GNG2: variants seen among roughly 807,000 people sequenced by gnomAD.
GNG2 encodes the protein G protein subunit gamma 2.
Under a neutral mutation model 5.5 loss-of-function variants are expected in GNG2, and 5 were observed. The ratio of observed to expected loss-of-function variants is 0.91; its 90% CI spans 0.48 to 1.92. GNG2 has a LOEUF of 1.92. Among genes scored for constraint, GNG2 ranks in the 30% most tolerant of loss-of-function variants. The pLI is 0.01. For synonymous variants in GNG2, 28 were observed against 32.0 expected (o/e 0.88, Z 0.42); for missense variants, 55 against 88.4 (o/e 0.62, Z 1.52).
chr14:51,835,072 C>A (rs1042478680), intron 2 of GNG2, among the ~76,000 whole-genome samples: 1 of 152,172 alleles, frequency 6.6e-6, no homozygotes, highest in East Asian at 1.9e-4. Flanking sequence ...TGGCTCAGCT[C>A]CTTTCATGCC....
intron 2 of GNG2, chr14:51,916,497 C>T (rs561760311): frequency 1.2e-4 from 53 of 430,240 alleles, no homozygotes; most frequent in South Asian, 6.2e-4. Flanking sequence ...AAATTTTCCA[C>T]GAAAATAATC....
intron 2 of GNG2, among the ~76,000 whole-genome samples, chr14:51,909,016 T>A (rs1316355562): frequency 6.6e-6 from 1 of 152,128 alleles, no homozygotes; most frequent in Non-Finnish European, 1.5e-5. Context: ...TATATAACCA[T>A]AGTTATTAAC....
chr14:51,872,355 T>C (rs1883364226), intron 1 of GNG2, among the ~76,000 whole-genome samples: 1 of 151,918 alleles, frequency 6.6e-6, no homozygotes, highest in Non-Finnish European at 1.5e-5. Context: ...TATGTTAGCA[T>C]CGAGGGATTT....
intron 2 of GNG2, among the ~76,000 whole-genome samples, chr14:51,906,607 T>C (rs966890888): frequency 2.2e-4 from 34 of 152,302 alleles, no homozygotes; most frequent in African/African-American, 7.9e-4. Flanking sequence ...GAGATGTACT[T>C]TTAATATCCA....
At position 51,939,548 on chromosome 14, in the gene GNG2, G is replaced by A. The variant is rs10083534; in HGVS notation, c.-29-11102G>A. On this transcript the variant is annotated intron_variant, in intron 2 of 3. Transcript: ENST00000556766. ...TACTCTCCACCCACACAGCATAGAC[G>A]GCTCCCATGCTGATTTGAGGGAAGA... 7.2e-4 allele frequency among the ~76,000 whole-genome samples: 109 copies of A among 152,322 alleles called. 1 individual carries two copies. Among genetic ancestry groups the A allele is most frequent in the African/African-American group, 2.5e-3 (106 of 41,576 alleles).
At chr14:51,829,778 C>A (rs1881131138) in intron 2 of GNG2, among the ~76,000 whole-genome samples, 1 of 152,050 alleles carries the variant, frequency 6.6e-6, no homozygotes, top group Non-Finnish European at 1.5e-5. Flanking sequence ...ACTGCTAAAC[C>A]TAATGTTCAG....
chr14:51,894,258 C>T (rs1885043792), intron 2 of GNG2, among the ~76,000 whole-genome samples: 1 of 152,024 alleles, frequency 6.6e-6, no homozygotes, highest in Admixed American at 6.5e-5. Context: ...TTTTAAAGTG[C>T]ATTTCTCGAT....
At chr14:51,931,384 T>G (rs1339803322) in intron 2 of GNG2, among the ~76,000 whole-genome samples, 1 of 151,834 alleles carries the variant, frequency 6.6e-6, no homozygotes, top group African/African-American at 2.4e-5. Context: ...AAAGAAGAGT[T>G]TGGTTTGGGA....
chr14:51,878,532 G>C (rs1883829336), intron 2 of GNG2, among the ~76,000 whole-genome samples: 1 of 151,946 alleles, frequency 6.6e-6, no homozygotes, highest in South Asian at 2.1e-4. Flanking sequence ...TACAGCAAAT[G>C]CTAAAAAAAA....
At chr14:51,925,904 G>A (rs749134533) in intron 2 of GNG2, among the ~76,000 whole-genome samples, 9 of 152,064 alleles carry the variant, frequency 5.9e-5, no homozygotes, top group Admixed American at 1.3e-4. Context: ...TTACAGGTGT[G>A]AGCCACCGCA....
chr14:51,908,693 C>G (rs370163846), intron 2 of GNG2, among the ~76,000 whole-genome samples: 26 of 149,726 alleles, frequency 1.7e-4, no homozygotes, highest in African/African-American at 5.6e-4. Context: ...CCTCAGCTTC[C>G]TTAGTGGCTA....
chr14:51,877,369 T>G (rs941788888), intron 1 of GNG2, among the ~76,000 whole-genome samples: 1 of 152,238 alleles, frequency 6.6e-6, no homozygotes, highest in Non-Finnish European at 1.5e-5. Flanking sequence ...TTTTCTTGCA[T>G]GCTAGGAGAT....
At chr14:51,850,360 G>T (rs905693516) in intron 2 of GNG2, among the ~76,000 whole-genome samples, 1 of 151,932 alleles carries the variant, frequency 6.6e-6, no homozygotes, top group Admixed American at 6.6e-5. Context: ...CAGCTCTCAT[G>T]AAAAAAATAA....
chr14:51,860,045 G>C (rs1352834239), upstream of GNG2, among the ~76,000 whole-genome samples: 1 of 152,180 alleles, frequency 6.6e-6, no homozygotes, highest in Non-Finnish European at 1.5e-5. Context: ...GGACCTTGGA[G>C]AAATGAAGCC....
chr14:51,895,317 C>G (rs1170594439), intron 2 of GNG2, among the ~76,000 whole-genome samples: 1 of 152,118 alleles, frequency 6.6e-6, no homozygotes, highest in Non-Finnish European at 1.5e-5. Flanking sequence ...AGTGTTTTAA[C>G]TTAAAAATAA....
chr14:51,882,543 G>A (rs1884154066), intron 2 of GNG2, among the ~76,000 whole-genome samples: 1 of 152,164 alleles, frequency 6.6e-6, no homozygotes, highest in African/African-American at 2.4e-5. Context: ...TAAGATACTA[G>A]TTGTTTATTC....
intron 2 of GNG2, among the ~76,000 whole-genome samples, chr14:51,903,577 A>G (rs1885702394): frequency 6.6e-6 from 1 of 152,250 alleles, no homozygotes; most frequent in African/African-American, 2.4e-5. Context: ...TTTTAAAAAA[A>G]TACTTTCCCT....
At position 51,950,767 on chromosome 14, in the gene GNG2, T is replaced by C; in HGVS notation, c.87+2T>C. 6.3e-7 allele frequency: 1 copy of C among 1,586,304 alleles called. No homozygotes were observed. Among genetic ancestry groups the C allele is most frequent in the South Asian group, 1.1e-5 (1 of 87,784 alleles). On this transcript the variant is annotated splice_donor_variant, in intron 3 of 3. Transcript: ENST00000556766. LOFTEE classifies it high-confidence loss of function. ...GAAGCCAATATCGACAGGATAAAGG[T>C]GAGGATGGTCTAACCCCACACTTCA... is the stretch of plus-strand genomic sequence containing the variant.
At chr14:51,862,866 G>A (rs1007071913) in intron 1 of GNG2, among the ~76,000 whole-genome samples, 1 of 152,138 alleles carries the variant, frequency 6.6e-6, no homozygotes. Context: ...CTTCTACATT[G>A]TAAAATGAAA....
Sources: allele counts gnomAD v4.1 joint callset (sites outside exome capture counted in the v4.1 genomes callset), GRCh38; gene constraint gnomAD v4.1.1; transcripts MANE v1.5; gene names NCBI Gene and HGNC (gene_info 2026-07-23, HGNC 2026-07-21).